AKAP12: variants seen among roughly 807,000 people sequenced by gnomAD.
AKAP12 encodes the protein A-kinase anchor protein 12.
AKAP12 carries 32 observed loss-of-function variants against 79.9 expected under a neutral mutation model. The observed-to-expected ratio is 0.40, with a 90% CI of 0.30 to 0.54. The LOEUF is 0.54. Ranked by LOEUF, AKAP12 falls within the 20% of genes least tolerant of loss-of-function variation. The probability of loss-of-function intolerance (pLI) is 0.48; values close to 1 mark genes in which losing one functional copy is unlikely to be tolerated. For synonymous variants in AKAP12, 808 were observed against 857.0 expected (o/e 0.94, Z 1.00); for missense variants, 2,074 against 2,177.0 (o/e 0.95, Z 0.94).
Position 151,351,090 on chromosome 6 carries a change from C to T in AKAP12, c.2699C>T (p.Thr900Met), listed in dbSNP as rs771644564. The T allele has an allele frequency of 1.9e-5, 31 of 1,614,098 alleles. No individual in the cohort carries two copies. Among genetic ancestry groups the T allele is most frequent in the African/African-American group, 1.6e-4 (12 of 75,016 alleles). The change falls in exon 4 of 5, where the codon ACG (threonine) becomes ATG (methionine). Residue 900 changes from threonine to methionine, a missense_variant. This residue lies in a region of AKAP12 where 1,428 missense variants were observed against 1,451.0 expected (regional missense o/e 0.98). Coordinates refer to ENST00000402676, the MANE Select transcript of AKAP12 (RefSeq NM_005100.4). The surrounding 1 kb of genome is among the most constrained non-coding windows in gnomAD (Gnocchi z 4.4). Reference protein sequence around the residue: ...HMMAAAVADGTRAATIIEERS... With the variant: ...HMMAAAVADGMRAATIIEERS... ...ATGGCAGCAGCTGTCGCTGACGGGACGAGGGCAGCTACCATTATTGAAGAA... is the reference window on the plus strand; with the variant it reads ...ATGGCAGCAGCTGTCGCTGACGGGATGAGGGCAGCTACCATTATTGAAGAA...
chr6:151,349,974 T>C lies in AKAP12; in HGVS notation c.1583T>C (p.Leu528Pro). The change falls in exon 4 of 5, where the codon CTT becomes CCT. Residue 528 changes from leucine to proline, a missense_variant. Physicochemically the swap from Leu to Pro is moderately conservative, Grantham distance 98 (BLOSUM62 -3). Coordinates refer to ENST00000402676, the MANE Select transcript of AKAP12 (RefSeq NM_005100.4). ...TTTACCAGCACTGGCTTAAAAAAGC[T>C]TTCTGGAAAGAAACAGAAAGGGAAA... The part of the protein sequence containing the change: ...KLFTSTGLKK[L>P]SGKKQKGKRG... 6.2e-7 allele frequency: 1 copy of C among 1,614,050 alleles called. No homozygotes were observed. Among genetic ancestry groups the C allele is most frequent in the Non-Finnish European group, 8.5e-7 (1 of 1,179,996 alleles).
rs144247894 is a variant in AKAP12 at position 151,346,350 on chromosome 6, A to G, written c.320-2361A>G. 3.3e-5 allele frequency among the ~76,000 whole-genome samples: 5 copies of G among 152,328 alleles called. No individual in the cohort carries two copies. In the Middle Eastern group the frequency reaches 0.01, roughly 311 times the overall value. ...CTTGACCTATTCGCCATTTATGGAA[A>G]GCCACATCATCCGCCCCACCACCCA... On this transcript the variant is annotated intron_variant, in intron 3 of 4. Transcript: ENST00000402676.
chr6:151,303,098 C>A (rs1776895480), intron 2 of AKAP12, among the ~76,000 whole-genome samples: 1 of 152,110 alleles, frequency 6.6e-6, no homozygotes, highest in Non-Finnish European at 1.5e-5. Context: ...GAGGCTGAGG[C>A]AGAAGAATCA....
chr6:151,311,833 C>T (rs7740243), intron 3 of AKAP12, among the ~76,000 whole-genome samples: 32,663 of 152,040 alleles, frequency 0.21, 3,971 homozygotes, highest in Non-Finnish European at 0.27. Flanking sequence ...TGTTACCTTA[C>T]AGAAAATCCA....
intron 2 of AKAP12, among the ~76,000 whole-genome samples, chr6:151,296,543 G>A (rs1776728211): frequency 6.6e-6 from 1 of 152,228 alleles, no homozygotes; most frequent in Non-Finnish European, 1.5e-5. Context: ...TTAGGAGGCT[G>A]AGGTGGGCGG....
intron 3 of AKAP12, among the ~76,000 whole-genome samples, chr6:151,318,775 A>T (rs981952388): frequency 6.6e-6 from 1 of 152,050 alleles, no homozygotes; most frequent in Non-Finnish European, 1.5e-5. Flanking sequence ...GTCTCTACAA[A>T]AAAATAAAAA....
intron 3 of AKAP12, among the ~76,000 whole-genome samples, chr6:151,345,930 T>TGAGAGAGAGAGAGAGAGA (rs1419080142): frequency 4.6e-5 from 5 of 108,746 alleles, no homozygotes; most frequent in African/African-American, 1.9e-4. Context: ...TGTGTGTGTG[T>TGAGAGAGAGAGAGAGAGA]GTGAGAGAGA....
chr6:151,264,672 A>G (rs75725652), intron 2 of AKAP12, among the ~76,000 whole-genome samples: 1 of 83,262 alleles, frequency 1.2e-5, no homozygotes, highest in Non-Finnish European at 2.1e-5. Context: ...CTTCATCTCA[A>G]AAAAAAAAAA....
intron 3 of AKAP12, chr6:151,325,894 C>G (rs1235502882): frequency 6.2e-7 from 1 of 1,614,212 alleles, no homozygotes; most frequent in Non-Finnish European, 8.5e-7. Context: ...AGGTAAGGCA[C>G]AAGCCAGGTC....
At chr6:151,325,632 TG>T (rs1178836989) in intron 3 of AKAP12, 2 of 975,790 alleles carry the variant, frequency 2.0e-6, no homozygotes, top group Non-Finnish European at 2.8e-6. Context: ...GGGGCGTGGG[TG>T]GGGGTCCGCC....
intron 3 of AKAP12, among the ~76,000 whole-genome samples, chr6:151,340,539 C>A (rs1777920031): frequency 6.6e-6 from 1 of 152,132 alleles, no homozygotes; most frequent in African/African-American, 2.4e-5. Context: ...TTTTGAAGTC[C>A]CAGTTGGAGG....
chr6:151,322,731 C>CGTGTCCACCACACACTCCTGCCACTGGGT (rs1777427769), intron 3 of AKAP12, among the ~76,000 whole-genome samples: 5 of 140,386 alleles, frequency 3.6e-5, no homozygotes, highest in African/African-American at 1.6e-4. Flanking sequence ...CGCCACTGGG[C>CGTGTCCACCACACACTCCTGCCACTGGGT]GTGTCCACCA....
chr6:151,353,218 A>C lies in AKAP12; in HGVS notation c.4827A>C (p.Thr1609=). ...CTCAGGCCTCTGCACAGGATGAAAC[A>C]CCAATTACTTCAGCCAAAGAGGAGT... is the stretch of plus-strand genomic sequence containing the variant. The part of the protein sequence containing the change: ...EEPQASAQDE[T]PITSAKEESE... Residue 1609 remains threonine (T), a synonymous_variant, in exon 4 of 5, where the codon ACA becomes ACC. Transcript: ENST00000402676. The C allele has an allele frequency of 1.9e-6, 3 of 1,614,176 alleles. No homozygotes were observed. Among genetic ancestry groups the C allele is most frequent in the Non-Finnish European group, 1.7e-6 (2 of 1,180,024 alleles).
intron 2 of AKAP12, among the ~76,000 whole-genome samples, chr6:151,243,993 CAATT>C (rs1176900116): frequency 6.6e-6 from 1 of 152,026 alleles, no homozygotes; most frequent in African/African-American, 2.4e-5. Flanking sequence ...TCTGGACAAT[CAATT>C]AATTAGCCTT....
At chr6:151,334,472 G>C (rs1476050093) in intron 3 of AKAP12, among the ~76,000 whole-genome samples, 1 of 151,946 alleles carries the variant, frequency 6.6e-6, no homozygotes, top group Non-Finnish European at 1.5e-5. Flanking sequence ...GTGAGTGCCT[G>C]TAGTCCCAGC....
At chr6:151,340,543 T>C (rs889455444) in intron 3 of AKAP12, among the ~76,000 whole-genome samples, 4 of 151,968 alleles carry the variant, frequency 2.6e-5, no homozygotes, top group African/African-American at 7.2e-5. Context: ...GAAGTCCCAG[T>C]TGGAGGGAGC....
intron 2 of AKAP12, among the ~76,000 whole-genome samples, chr6:151,290,708 C>T (rs574834643): frequency 1.3e-5 from 2 of 152,038 alleles, no homozygotes; most frequent in Middle Eastern, 3.4e-3. Context: ...CAGGTTCAAG[C>T]GATTCTTCTG....
intron 2 of AKAP12, among the ~76,000 whole-genome samples, chr6:151,259,189 C>T (rs1797360187): frequency 6.6e-6 from 1 of 151,092 alleles, no homozygotes; most frequent in Non-Finnish European, 1.5e-5. Flanking sequence ...GGATTACAGG[C>T]GCCTGCCACC....
intron 2 of AKAP12, among the ~76,000 whole-genome samples, chr6:151,268,219 C>T (rs1325471887): frequency 6.6e-6 from 1 of 152,132 alleles, no homozygotes; most frequent in Non-Finnish European, 1.5e-5. Context: ...TCGAGACCAG[C>T]CTGACCAACA....
Sources: gnomAD v4.1 joint callset for allele counts (sites outside exome capture counted in the v4.1 genomes callset) on GRCh38, gnomAD v4.1.1 for gene constraint, gnomAD v4.1.1 regional missense constraint, Gnocchi (gnomAD v3.1) non-coding constraint, MANE v1.5 for transcripts, NCBI Gene and HGNC (gene_info 2026-07-23, HGNC 2026-07-21) for gene names.